The following ZNF503 variants were observed in gnomAD, a reference collection of about 807,000 sequenced individuals.
The protein encoded by ZNF503 is zinc finger protein 503.
In ZNF503, 15 loss-of-function variants were observed where a neutral mutation model predicts 34.4. The ratio of observed to expected loss-of-function variants is 0.44; its 90% CI spans 0.29 to 0.67. ZNF503 has a LOEUF of 0.67. Among genes scored for constraint, ZNF503 ranks in the 30% least tolerant of loss-of-function variants. The probability of loss-of-function intolerance (pLI) is 0.13; values close to 1 mark genes in which losing one functional copy is unlikely to be tolerated. For synonymous variants in ZNF503, 580 were observed against 456.8 expected (o/e 1.27, Z -3.44); for missense variants, 1,007 against 926.8 (o/e 1.09, Z -1.12).
chr10:75,315,242 C>T, the ZNF503 span, among the ~76,000 whole-genome samples: 5 of 152,212 alleles, frequency 3.3e-5, no homozygotes, highest in South Asian at 1.0e-3. Flanking sequence ...CACCTGTAAT[C>T]CCAGCTACTC....
At chr10:75,357,164 G>A in the ZNF503 span, among the ~76,000 whole-genome samples, 1 of 151,862 alleles carries the variant, frequency 6.6e-6, no homozygotes, top group Non-Finnish European at 1.5e-5. Flanking sequence ...TGGTTCACTG[G>A]CTATTATACT....
chr10:75,374,269 T>A, the ZNF503 span, among the ~76,000 whole-genome samples: 1 of 152,094 alleles, frequency 6.6e-6, no homozygotes, highest in African/African-American at 2.4e-5. Flanking sequence ...GCCACTGCCC[T>A]CTACCCTGGG....
At chr10:75,395,641 G>A (rs925868560), downstream of ZNF503, among the ~76,000 whole-genome samples, 1 of 152,186 alleles carries the variant, frequency 6.6e-6, no homozygotes, top group African/African-American at 2.4e-5. The surrounding 1 kb of genome is among the most constrained non-coding windows in gnomAD (Gnocchi z 4.4). Flanking sequence ...ACCTCGGCCT[G>A]GACACGCAGC....
In ZNF503 at chr10:75,399,840, T is replaced by C; in HGVS notation, c.850A>G (p.Ile284Val). Residue 284 changes from isoleucine to valine, a missense_variant, in exon 2 of 2, where the codon ATT becomes GTT. Ile to Val is a conservative substitution (Grantham distance 29). Coordinates refer to ENST00000372524, the MANE Select transcript of ZNF503 (RefSeq NM_032772.6). Reference sequence around the variant, plus strand: ...ACATTAATCCCGCCGCCGCAGCTAATCCGGCCGTGTGCCAGCCCCGTGGGT... The same window carrying C: ...ACATTAATCCCGCCGCCGCAGCTAACCCGGCCGTGTGCCAGCCCCGTGGGT... ...GGPTGLAHGR[I>V]SCGGGINVDV... 1 of 1,604,438 alleles carries C rather than the reference T, an allele frequency of 6.2e-7. No individual in the cohort carries two copies. Among genetic ancestry groups the C allele is most frequent in the Non-Finnish European group, 8.5e-7 (1 of 1,176,938 alleles).
the ZNF503 span, chr10:75,361,435 C>G: frequency 6.6e-6 from 1 of 152,134 alleles, no homozygotes; most frequent in Admixed American, 6.5e-5. Flanking sequence ...GTTTTCAAGC[C>G]ATTCAGAAAC....
the ZNF503 span, among the ~76,000 whole-genome samples, chr10:75,344,692 A>G: frequency 6.6e-6 from 1 of 152,178 alleles, no homozygotes; most frequent in Admixed American, 6.5e-5. Flanking sequence ...ATACATCTCT[A>G]TTTGTTTAGG....
chr10:75,395,433 C>G (rs771054852), downstream of ZNF503, among the ~76,000 whole-genome samples: 1 of 152,190 alleles, frequency 6.6e-6, no homozygotes, highest in Non-Finnish European at 1.5e-5. The surrounding 1 kb of genome is among the most constrained non-coding windows in gnomAD (Gnocchi z 4.4). Context: ...AGCCGGCTGC[C>G]CGCGCGCTGG....
the ZNF503 span, chr10:75,360,708 C>T: frequency 6.6e-6 from 1 of 152,218 alleles, no homozygotes; most frequent in Admixed American, 6.5e-5. Context: ...CGGAGAAGAA[C>T]CCAACAAGTA....
At chr10:75,309,236 CA>C in the ZNF503 span, among the ~76,000 whole-genome samples, 1 of 152,172 alleles carries the variant, frequency 6.6e-6, no homozygotes, top group African/African-American at 2.4e-5. Flanking sequence ...GAAATGACAA[CA>C]AAGCATTCAG....
chr10:75,368,308 A>T, the ZNF503 span, among the ~76,000 whole-genome samples: 1 of 152,202 alleles, frequency 6.6e-6, no homozygotes, highest in Non-Finnish European at 1.5e-5. Flanking sequence ...TTTAAAAAAT[A>T]AGCAGATTTT....
chr10:75,358,162 G>A, the ZNF503 span: 1 of 152,186 alleles, frequency 6.6e-6, no homozygotes, highest in Admixed American at 6.5e-5. Flanking sequence ...AGCTTTTGCT[G>A]GATGTCAGAA....
the ZNF503 span, among the ~76,000 whole-genome samples, chr10:75,341,189 AG>A: frequency 6.6e-6 from 1 of 152,240 alleles, no homozygotes; most frequent in Non-Finnish European, 1.5e-5. Flanking sequence ...GCTTAGAGGT[AG>A]AAAAACTATT....
At chr10:75,300,265 A>G in the ZNF503 span, among the ~76,000 whole-genome samples, 1 of 152,208 alleles carries the variant, frequency 6.6e-6, no homozygotes, top group Non-Finnish European at 1.5e-5. Flanking sequence ...CGGCGGTCAG[A>G]GTTTAAGGTT....
In ZNF503 at chr10:75,398,684, GCCTCTCCCTGGACTCCTCCCCTCCC is replaced by G. The variant is rs1843735002; in HGVS notation, c.*40_*64del. On this transcript the variant is annotated 3_prime_UTR_variant, in exon 2 of 2. Coordinates refer to ENST00000372524, the MANE Select transcript of ZNF503 (RefSeq NM_032772.6). ...TGTCAGCAGCCTGGGCCGTGATCCC[GCCTCTCCCTGGACTCCTCCCCTCCC>G]CCTCTCCCTCCTCTCCCTCGCTCGC... 2.3e-5 allele frequency: 30 copies of G among 1,294,068 alleles called. No homozygotes were observed. The highest frequency in any genetic ancestry group is 2.9e-5 in the Non-Finnish European group (30 of 1,020,850). The allele number at this position is 1,294,068 out of a possible 1,614,324, so 80.2% of individuals were successfully genotyped here.
chr10:75,286,837 G>T, the ZNF503 span, among the ~76,000 whole-genome samples: 1 of 152,244 alleles, frequency 6.6e-6, no homozygotes, highest in Admixed American at 6.5e-5. Flanking sequence ...GAAGAAGCTG[G>T]CATCCTCAGC....
At chr10:75,303,466 C>T in the ZNF503 span, among the ~76,000 whole-genome samples, 3 of 152,184 alleles carry the variant, frequency 2.0e-5, no homozygotes, top group South Asian at 6.2e-4. Context: ...GCTGTTGGAT[C>T]CACGTTGTAC....
At chr10:75,342,229 G>T in the ZNF503 span, among the ~76,000 whole-genome samples, 1 of 152,112 alleles carries the variant, frequency 6.6e-6, no homozygotes, top group South Asian at 2.1e-4. Context: ...GCATTGTTAT[G>T]CAGTTTAGAA....
chr10:75,355,039 T>C, the ZNF503 span, among the ~76,000 whole-genome samples: 2 of 152,080 alleles, frequency 1.3e-5, no homozygotes, highest in African/African-American at 2.4e-5. Flanking sequence ...GAGACAGGGT[T>C]CCGCCATGTT....
chr10:75,389,227 G>T, the ZNF503 span, among the ~76,000 whole-genome samples: 1 of 152,190 alleles, frequency 6.6e-6, no homozygotes, highest in African/African-American at 2.4e-5. Context: ...ACCTAAGGCT[G>T]GAGGAATCTT....
Sources: allele counts gnomAD v4.1 joint callset (sites outside exome capture counted in the v4.1 genomes callset), GRCh38; gene constraint gnomAD v4.1.1; non-coding constraint Gnocchi (gnomAD v3.1); transcripts MANE v1.5; gene names NCBI Gene and HGNC (gene_info 2026-07-23, HGNC 2026-07-21).